MME: variants seen among roughly 807,000 people sequenced by gnomAD.
MME encodes neprilysin.
In MME, 98 loss-of-function variants were observed where a neutral mutation model predicts 113.2. The observed-to-expected ratio is 0.87, with a 90% CI of 0.74 to 1.02. The LOEUF is 1.02. Among genes scored for constraint, MME ranks in the 50% least tolerant of loss-of-function variants. MME has a pLI of 0.00. For missense variants in MME, 836 were observed against 896.0 expected, an observed-to-expected ratio of 0.93 and a Z score of 0.86; for synonymous variants, 292 against 300.6, an observed-to-expected ratio of 0.97 and a Z score of 0.30.
chr3:155,036,722 T>C (rs1340582630), intron 1 of MME, among the ~76,000 whole-genome samples: 3 of 152,166 alleles, frequency 2.0e-5, no homozygotes, highest in Non-Finnish European at 4.4e-5. Flanking sequence ...GCTTGTCTTT[T>C]CTTTTGAATA....
intron 1 of MME, among the ~76,000 whole-genome samples, chr3:155,063,111 ATATGTTATATATT>A (rs1053559936): frequency 1.6e-4 from 22 of 140,624 alleles, no homozygotes; most frequent in African/African-American, 2.9e-4. Flanking sequence ...TTATATAAAT[ATATGTTATATATT>A]TATGTTATAT....
chr3:155,063,667 T>C (rs1459640700), intron 1 of MME, among the ~76,000 whole-genome samples: 1 of 90,262 alleles, frequency 1.1e-5, no homozygotes. Context: ...TATAACATAT[T>C]ATATATTATA....
At chr3:155,024,739 A>G (rs1712718455) in intron 1 of MME, among the ~76,000 whole-genome samples, 1 of 152,232 alleles carries the variant, frequency 6.6e-6, no homozygotes, top group African/African-American at 2.4e-5. Context: ...AGAGCATAAC[A>G]TAGAAAAAGG....
intron 8 of MME, among the ~76,000 whole-genome samples, chr3:155,128,802 T>C (rs1719906660): frequency 6.6e-6 from 1 of 152,106 alleles, no homozygotes; most frequent in Non-Finnish European, 1.5e-5. Context: ...AGCAAATGAA[T>C]GATTGAGGGG....
chr3:155,164,746 G>A (rs1211801910), intron 17 of MME, among the ~76,000 whole-genome samples: 1 of 152,100 alleles, frequency 6.6e-6, no homozygotes, highest in Non-Finnish European at 1.5e-5. Context: ...TATACTTTAA[G>A]GTAAAAATAA....
rs566739951 is a variant in MME at position 155,051,534 on chromosome 3, G to C, written c.-11+27210G>C. Among the ~76,000 whole-genome samples, 5 of 152,294 alleles carry C rather than the reference G, an allele frequency of 3.3e-5. No homozygotes were observed. In the South Asian group the frequency reaches 1.0e-3, roughly 32 times the overall value. ...CAAAACAGGCACATCTTACAGGTGAGAGGCAGGTGAGAGAAGTGAGTGCCA... is the reference window on the plus strand; with the variant it reads ...CAAAACAGGCACATCTTACAGGTGACAGGCAGGTGAGAGAAGTGAGTGCCA... On this transcript the variant is annotated intron_variant, in intron 1 of 22. Coordinates refer to the MME transcript ENST00000492661.
At chr3:155,057,699 T>G (rs1478295849) in intron 1 of MME, among the ~76,000 whole-genome samples, 3 of 151,742 alleles carry the variant, frequency 2.0e-5, no homozygotes, top group Admixed American at 2.0e-4. Flanking sequence ...CATTTTTTTT[T>G]TTTTTTTCTA....
intron 16 of MME, among the ~76,000 whole-genome samples, chr3:155,151,285 C>A (rs1267757990): frequency 1.3e-5 from 2 of 152,104 alleles, no homozygotes; most frequent in African/African-American, 4.8e-5. Context: ...TGTGCATACC[C>A]AAAACTGAAG....
At chr3:155,115,232 A>AT (rs1221279762) in intron 4 of MME, 77 bp downstream of exon 4, 1 of 1,527,498 alleles carries the variant, frequency 6.5e-7, no homozygotes, top group African/African-American at 1.4e-5. Flanking sequence ...ATTGTTAGCC[A>AT]TTACAAGGAA....
At chr3:155,133,936 T>C (rs1282070957) in intron 8 of MME, among the ~76,000 whole-genome samples, 2 of 151,298 alleles carry the variant, frequency 1.3e-5, no homozygotes, top group East Asian at 3.9e-4. Context: ...GCTTTGGGAA[T>C]ACAGTTAATT....
chr3:155,051,195 G>A (rs1713753080), intron 1 of MME, among the ~76,000 whole-genome samples: 1 of 152,130 alleles, frequency 6.6e-6, no homozygotes, highest in Non-Finnish European at 1.5e-5. Flanking sequence ...ACAATATTTT[G>A]CTGAAAAGAT....
chr3:155,047,662 G>A (rs548627436), intron 1 of MME, among the ~76,000 whole-genome samples: 1 of 152,192 alleles, frequency 6.6e-6, no homozygotes, highest in South Asian at 2.1e-4. Flanking sequence ...CAATATCTAG[G>A]AGGATCTCAA....
chr3:155,030,244 G>A (rs1392505739), intron 1 of MME, among the ~76,000 whole-genome samples: 2 of 152,136 alleles, frequency 1.3e-5, no homozygotes, highest in Non-Finnish European at 2.9e-5. Flanking sequence ...AAAGTTTCTA[G>A]TGGTTTAGGT....
chr3:155,063,244 T>TA (rs1458762720), intron 1 of MME, among the ~76,000 whole-genome samples: 20 of 117,732 alleles, frequency 1.7e-4, no homozygotes, highest in East Asian at 1.4e-3. Flanking sequence ...ATATATTATA[T>TA]AATAATATAC....
chr3:155,083,744 G>A (rs1244496948), intron 1 of MME: 1 of 187,610 alleles, frequency 5.3e-6, no homozygotes, highest in Non-Finnish European at 1.1e-5. Context: ...GGAAGCCACT[G>A]GAGCAAGATA....
At chr3:155,149,900 G>A (rs1011356405) in intron 16 of MME, among the ~76,000 whole-genome samples, 7 of 152,162 alleles carry the variant, frequency 4.6e-5, no homozygotes, top group South Asian at 4.1e-4. Context: ...CTAAAAATGG[G>A]ATTGCAAATA....
intron 1 of MME, among the ~76,000 whole-genome samples, chr3:155,082,866 T>C (rs1715276135): frequency 6.6e-6 from 1 of 152,186 alleles, no homozygotes; most frequent in Non-Finnish European, 1.5e-5. Context: ...ATGCCTCAGT[T>C]TCCACAAAAC....
At chr3:155,166,407 G>A (rs184466322) in intron 17 of MME, among the ~76,000 whole-genome samples, 184 of 152,118 alleles carry the variant, frequency 1.2e-3, no homozygotes, top group African/African-American at 4.4e-3. Flanking sequence ...CAATTGAGTG[G>A]CAATACTTAT....
At chr3:155,108,258 A>T (rs1717862866) in intron 3 of MME, among the ~76,000 whole-genome samples, 1 of 152,180 alleles carries the variant, frequency 6.6e-6, no homozygotes, top group Non-Finnish European at 1.5e-5. Flanking sequence ...AATAATTCAT[A>T]TGGGAAACCA....
Sources: gnomAD v4.1 joint callset for allele counts (sites outside exome capture counted in the v4.1 genomes callset) on GRCh38, gnomAD v4.1.1 for gene constraint, MANE v1.5 for transcripts, NCBI Gene and HGNC (gene_info 2026-07-23, HGNC 2026-07-21) for gene names.